The following WWP2 variants were observed in gnomAD, a reference collection of about 807,000 sequenced individuals.
WWP2 encodes the protein NEDD4-like E3 ubiquitin-protein ligase WWP2.
A neutral mutation model predicts 121.0 loss-of-function variants in WWP2; 57 were observed. The ratio of observed to expected loss-of-function variants is 0.47; its 90% CI spans 0.38 to 0.59. The LOEUF (loss-of-function observed/expected upper bound fraction) is 0.59, where lower values mean the gene tolerates loss of function less well. Ranked by LOEUF, WWP2 falls within the 20% of genes least tolerant of loss-of-function variation. The pLI is 0.00. For missense variants in WWP2, 962 were observed against 1,158.9 expected (o/e 0.83, Z 2.47); for synonymous variants, 449 against 441.3 (o/e 1.02, Z -0.22).
intron 1 of WWP2, among the ~76,000 whole-genome samples, chr16:69,784,365 G>A (rs1476999081): frequency 1.3e-5 from 2 of 152,120 alleles, no homozygotes; most frequent in Admixed American, 6.5e-5. Context: ...CTCCCAGAGC[G>A]CTGGGAATAC....
chr16:69,796,473 C>T (rs2056048875), intron 2 of WWP2, among the ~76,000 whole-genome samples: 1 of 152,246 alleles, frequency 6.6e-6, no homozygotes, highest in African/African-American at 2.4e-5. Context: ...TTGTTTGCCC[C>T]TGTGATCACG....
intron 8 of WWP2, among the ~76,000 whole-genome samples, chr16:69,905,192 GTT>G (rs1292547159): frequency 1.3e-5 from 2 of 152,218 alleles, no homozygotes; most frequent in Admixed American, 6.5e-5. Flanking sequence ...GTGCTGCCCA[GTT>G]CCTGGATCAT....
chr16:69,883,400 G>GCACGCA (rs1555499691), intron 7 of WWP2, among the ~76,000 whole-genome samples: 3 of 145,862 alleles, frequency 2.1e-5, no homozygotes, highest in Admixed American at 2.1e-4. Flanking sequence ...AAGAATGTGC[G>GCACGCA]CACACACACA....
chr16:69,803,088 A>T (rs2056204469), intron 4 of WWP2, among the ~76,000 whole-genome samples: 1 of 122,742 alleles, frequency 8.1e-6, no homozygotes, highest in African/African-American at 3.0e-5. Flanking sequence ...TATTACTTGT[A>T]AAAAAAAAAA....
Position 69,917,742 on chromosome 16 carries a change from TTAC to T in WWP2, c.1041_1043del (p.Tyr348del). 1 of 1,609,064 alleles carries T rather than the reference TTAC, an allele frequency of 6.2e-7. No individual in the cohort carries two copies. The highest frequency in any genetic ancestry group is 1.1e-5 in the South Asian group (1 of 90,976). ...AACGCACAGATCCCCGAGGCAGGTTTTACTATGTGGATCACAATACTCGGACCA... is the reference window on the plus strand; with the variant it reads ...AACGCACAGATCCCCGAGGCAGGTTTTATGTGGATCACAATACTCGGACCA... On this transcript the variant is annotated inframe_deletion, in exon 10 of 24. Coordinates refer to ENST00000359154, the MANE Select transcript of WWP2 (RefSeq NM_001270454.2).
intron 7 of WWP2, among the ~76,000 whole-genome samples, chr16:69,882,541 A>G (rs780353556): frequency 6.6e-6 from 1 of 152,218 alleles, no homozygotes; most frequent in African/African-American, 2.4e-5. Context: ...TTGAAACCAC[A>G]CATCAGCAAA....
chr16:69,818,918 C>G (rs550929757), intron 4 of WWP2, among the ~76,000 whole-genome samples: 3 of 152,166 alleles, frequency 2.0e-5, no homozygotes, highest in Non-Finnish European at 4.4e-5. Flanking sequence ...GGGCTTCTCC[C>G]CTGGCAACCA....
chr16:69,849,672 G>T (rs1269752693), intron 6 of WWP2, among the ~76,000 whole-genome samples: 1 of 152,168 alleles, frequency 6.6e-6, no homozygotes, highest in African/African-American at 2.4e-5. Flanking sequence ...GCTGGGCATG[G>T]TGGCTGTATG....
At chr16:69,905,046 CA>C (rs1285815485) in intron 8 of WWP2, among the ~76,000 whole-genome samples, 1 of 152,158 alleles carries the variant, frequency 6.6e-6, no homozygotes, top group Non-Finnish European at 1.5e-5. Flanking sequence ...GGCAGCTGAT[CA>C]GACCACGCCC....
intron 2 of WWP2, among the ~76,000 whole-genome samples, chr16:69,795,649 G>GTTTTTTTTTTTTTTT (rs386384998): frequency 1.5e-5 from 1 of 66,928 alleles, no homozygotes. Context: ...AAAATAGGAG[G>GTTTTTTTTTTTTTTT]TTTTTTTTTT....
intron 1 of WWP2, 60 bp from the exon 2 acceptor site, chr16:69,786,936 T>TA: frequency 7.0e-7 from 1 of 1,437,238 alleles, no homozygotes; most frequent in Non-Finnish European, 9.5e-7. Context: ...GAAATTGAGT[T>TA]AAACTCCTCT....
rs763052311 is a variant in WWP2 at position 69,937,601 on chromosome 16, C to T, written c.2292C>T (p.Thr764=). ...EIDMSDWQKS[T]IYRHYTKNSK... ...ACATGAGCGACTGGCAGAAGAGCAC[C>T]ATCTACCGGCACTACACCAAGAACA... The change falls in exon 21 of 24, where the codon ACC becomes ACT. Residue 764 remains threonine (T), a synonymous_variant. Coordinates refer to ENST00000359154, the MANE Select transcript of WWP2 (RefSeq NM_001270454.2). The surrounding 1 kb of genome is among the most constrained non-coding windows in gnomAD (Gnocchi z 6.6). 1 of 1,613,918 alleles carries T rather than the reference C, an allele frequency of 6.2e-7. No homozygotes were observed. The highest frequency in any genetic ancestry group is 1.1e-5 in the South Asian group (1 of 91,024).
chr16:69,889,317 C>T (rs1375629850), intron 8 of WWP2, among the ~76,000 whole-genome samples: 1 of 152,126 alleles, frequency 6.6e-6, no homozygotes. Flanking sequence ...GAAGCGAGAC[C>T]CCTGTCTCAA....
intron 1 of WWP2, among the ~76,000 whole-genome samples, chr16:69,775,999 T>C (rs145354295): frequency 6.6e-6 from 1 of 152,314 alleles, no homozygotes; most frequent in East Asian, 1.9e-4. Context: ...CCCTAAAAAC[T>C]CCTTCTTAAA....
At chr16:69,878,245 T>A (rs2057769057) in intron 7 of WWP2, among the ~76,000 whole-genome samples, 1 of 152,186 alleles carries the variant, frequency 6.6e-6, no homozygotes, top group African/African-American at 2.4e-5. Flanking sequence ...TGGAAAAGTT[T>A]GACATATTCT....
chr16:69,927,091 T>A (rs2133796), intron 11 of WWP2, among the ~76,000 whole-genome samples: 1 of 151,864 alleles, frequency 6.6e-6, no homozygotes, highest in Non-Finnish European at 1.5e-5. Context: ...GAGTCGATAC[T>A]GTTAATGAAC....
Position 69,892,613 on chromosome 16 carries a change from A to G in WWP2, c.914+4364A>G, listed in dbSNP as rs556758220. ...CAGTTGTGCAATCTTGGCTCACTGC[A>G]GCCTCAGCCTCACGGGCTCAAGTGA... On this transcript the variant is annotated intron_variant, in intron 8 of 23. Transcript: ENST00000359154. 7.5e-4 allele frequency among the ~76,000 whole-genome samples: 114 copies of G among 152,286 alleles called. 3 individuals carry two copies. The Middle Eastern group carries it at 0.027, about 36-fold the overall frequency.
At chr16:69,880,899 C>T (rs536363108) in intron 7 of WWP2, among the ~76,000 whole-genome samples, 61 of 152,324 alleles carry the variant, frequency 4.0e-4, no homozygotes, top group African/African-American at 1.4e-3. Context: ...GTCTGTGATA[C>T]ACCACACGCA....
At chr16:69,832,728 G>A (rs931563500) in intron 4 of WWP2, among the ~76,000 whole-genome samples, 12 of 152,300 alleles carry the variant, frequency 7.9e-5, no homozygotes, top group African/African-American at 2.9e-4. Flanking sequence ...ATTTTTAGTA[G>A]AGATGGGGTT....
Sources: allele counts gnomAD v4.1 joint callset (sites outside exome capture counted in the v4.1 genomes callset), GRCh38; gene constraint gnomAD v4.1.1; non-coding constraint Gnocchi (gnomAD v3.1); transcripts MANE v1.5; gene names NCBI Gene and HGNC (gene_info 2026-07-23, HGNC 2026-07-21).